ACTR3C: variants seen among roughly 807,000 people sequenced by gnomAD.
ACTR3C encodes the protein actin related protein 3C, also known as actin-related protein 3C.
Under a neutral mutation model 26.3 loss-of-function variants are expected in ACTR3C, and 18 were observed. That is an observed-to-expected ratio of 0.68 (90% CI 0.47 to 1.01). The LOEUF (loss-of-function observed/expected upper bound fraction) is 1.01. Ranked by LOEUF, ACTR3C falls within the 50% of genes least tolerant of loss-of-function variation. The probability of loss-of-function intolerance (pLI) is 0.00; values close to 1 mark genes in which losing one functional copy is unlikely to be tolerated. For missense variants in ACTR3C, 184 were observed against 250.7 expected, an observed-to-expected ratio of 0.73 and a Z score of 1.80; for synonymous variants, 55 against 94.5, an observed-to-expected ratio of 0.58 and a Z score of 2.42.
At chr7:150,191,767 C>T in the ACTR3C span, among the ~76,000 whole-genome samples, 3,538 of 152,134 alleles carry the variant, frequency 0.023, 80 homozygotes, top group East Asian at 0.079. Context: ...AAATAATTTT[C>T]GTAACTAGGA....
chr7:149,969,354 C>A, the ACTR3C span, among the ~76,000 whole-genome samples: 4 of 150,032 alleles, frequency 2.7e-5, no homozygotes, highest in Non-Finnish European at 4.4e-5. Context: ...TTTCCCCCAA[C>A]TCCCCCAGCA....
At chr7:150,184,822 C>T in the ACTR3C span, among the ~76,000 whole-genome samples, 6 of 146,252 alleles carry the variant, frequency 4.1e-5, no homozygotes, top group African/African-American at 1.7e-4. Context: ...TGTTCAAGGC[C>T]ACTGCTCTCT....
downstream of ACTR3C, among the ~76,000 whole-genome samples, chr7:150,242,521 G>C (rs1463143253): frequency 1.3e-5 from 2 of 151,540 alleles, no homozygotes; most frequent in East Asian, 1.9e-4. Context: ...GCATTCTATT[G>C]TATGTAAATT....
the ACTR3C span, among the ~76,000 whole-genome samples, chr7:150,018,912 G>GGTGTGT: frequency 7.4e-5 from 11 of 147,906 alleles, no homozygotes; most frequent in Admixed American, 4.0e-4. Flanking sequence ...GCCTTAAAAT[G>GGTGTGT]GTGTGTGTGT....
At chr7:150,101,765 T>C in the ACTR3C span, among the ~76,000 whole-genome samples, 5 of 151,872 alleles carry the variant, frequency 3.3e-5, 1 homozygote, top group African/African-American at 1.2e-4. Flanking sequence ...AGATGATGTG[T>C]GTTAATGCAA....
the ACTR3C span, among the ~76,000 whole-genome samples, chr7:150,086,911 T>G: frequency 6.0e-3 from 913 of 152,232 alleles, 8 homozygotes; most frequent in African/African-American, 0.021. Flanking sequence ...GCAAGTTCCA[T>G]GCCAATCAAG....
chr7:150,118,232 T>C, the ACTR3C span, among the ~76,000 whole-genome samples: 1 of 151,978 alleles, frequency 6.6e-6, no homozygotes, highest in African/African-American at 2.4e-5. Flanking sequence ...GGATGGAGAA[T>C]GAGTTTGACA....
chr7:150,201,542 G>A, the ACTR3C span, among the ~76,000 whole-genome samples: 824 of 151,346 alleles, frequency 5.4e-3, 11 homozygotes, highest in South Asian at 0.048. Flanking sequence ...GAGGTCAGGA[G>A]TTCAAGACCA....
chr7:150,035,365 G>T, the ACTR3C span, among the ~76,000 whole-genome samples: 2 of 56,496 alleles, frequency 3.5e-5, 1 homozygote, highest in African/African-American at 1.1e-4. Context: ...CCACCCTCGC[G>T]GGCGGTGCCT....
the ACTR3C span, among the ~76,000 whole-genome samples, chr7:150,197,204 C>T: frequency 3.9e-5 from 6 of 152,166 alleles, no homozygotes; most frequent in African/African-American, 1.4e-4. Context: ...TCCCAGGCTT[C>T]CCTGTGAATG....
At chr7:150,300,219 C>T (rs1563197477) in intron 1 of ACTR3C, among the ~76,000 whole-genome samples, 1 of 151,986 alleles carries the variant, frequency 6.6e-6, no homozygotes, top group Non-Finnish European at 1.5e-5. Flanking sequence ...GGCTTGGTGG[C>T]ACATACCTGT....
chr7:150,319,720 A>T lies in ACTR3C; in HGVS notation c.-52+3749T>A, dbSNP rs554639241. On this transcript the variant is annotated intron_variant, in intron 1 of 7. Transcript: ENST00000683684. ...TGACAATTACTCTGCATTTTAAAAC[A>T]CTGTTGGGGCTAACCCTACCAACCT... 1.2e-4 allele frequency among the ~76,000 whole-genome samples: 18 copies of T among 152,300 alleles called. No homozygotes were observed. The South Asian group carries it at 2.3e-3, about 19-fold the overall frequency.
chr7:149,983,038 C>A, the ACTR3C span, among the ~76,000 whole-genome samples: 1 of 152,086 alleles, frequency 6.6e-6, no homozygotes. Context: ...ATAACAGTCT[C>A]TTCCAAAAAT....
the ACTR3C span, among the ~76,000 whole-genome samples, chr7:150,229,415 C>A: frequency 6.6e-6 from 1 of 151,926 alleles, no homozygotes. Flanking sequence ...TTATCAAATG[C>A]TTTCTCCACA....
chr7:150,125,158 G>C, the ACTR3C span, among the ~76,000 whole-genome samples: 1 of 151,234 alleles, frequency 6.6e-6, no homozygotes, highest in Admixed American at 6.6e-5. Context: ...TTAAGCCAAA[G>C]TAATAACGTT....
At chr7:150,018,547 C>A in the ACTR3C span, among the ~76,000 whole-genome samples, 171 of 150,028 alleles carry the variant, frequency 1.1e-3, 4 homozygotes, top group Admixed American at 3.8e-3. Flanking sequence ...CAAAGCTTTT[C>A]ATGTTCTTTC....
chr7:150,098,211 T>C, the ACTR3C span, among the ~76,000 whole-genome samples: 1 of 151,780 alleles, frequency 6.6e-6, no homozygotes, highest in Non-Finnish European at 1.5e-5. Context: ...GAATGAGACA[T>C]AGCCAAATTC....
the ACTR3C span, among the ~76,000 whole-genome samples, chr7:150,035,425 G>C: frequency 8.8e-3 from 675 of 76,402 alleles, 140 homozygotes; most frequent in Middle Eastern, 0.014. Context: ...AGAGGGACTG[G>C]CTCTCAGTCC....
chr7:150,016,146 C>A, the ACTR3C span, among the ~76,000 whole-genome samples: 1 of 152,114 alleles, frequency 6.6e-6, no homozygotes, highest in Non-Finnish European at 1.5e-5. Context: ...GCTCTCTGCC[C>A]CAGCATACTG....
Sources: allele counts gnomAD v4.1 joint callset (sites outside exome capture counted in the v4.1 genomes callset), GRCh38; gene constraint gnomAD v4.1.1; transcripts MANE v1.5; gene names NCBI Gene and HGNC (gene_info 2026-07-23, HGNC 2026-07-21).